The following ANK3 variants were observed in gnomAD, a reference collection of about 807,000 sequenced individuals.
The protein encoded by ANK3 is ankyrin 3.
In ANK3, 57 loss-of-function variants were observed where a neutral mutation model predicts 370.9. The ratio of observed to expected loss-of-function variants is 0.15; its 90% CI spans 0.12 to 0.19. The LOEUF (loss-of-function observed/expected upper bound fraction) is 0.19. ANK3 is among the 10% of genes least tolerant of loss of function. The pLI is 1.00. For missense variants in ANK3, 4,439 were observed against 5,302.1 expected, an observed-to-expected ratio of 0.84 and a Z score of 5.06; for synonymous variants, 1,929 against 1,946.3, an observed-to-expected ratio of 0.99 and a Z score of 0.23.
At chr10:60,337,635 T>A (rs938944873) in intron 1 of ANK3, among the ~76,000 whole-genome samples, 1 of 152,194 alleles carries the variant, frequency 6.6e-6, no homozygotes, top group South Asian at 2.1e-4. Flanking sequence ...TATCTCATAA[T>A]TGGCAAGCAT....
intron 2 of ANK3, among the ~76,000 whole-genome samples, chr10:60,439,840 CTG>C (rs1323969329): frequency 1.3e-5 from 2 of 152,178 alleles, no homozygotes; most frequent in African/African-American, 4.8e-5. Context: ...CAATTCATGA[CTG>C]TAATTTTTTC....
intron 18 of ANK3, 90 bp downstream of exon 18, chr10:60,181,239 T>C: frequency 3.6e-6 from 4 of 1,126,314 alleles, no homozygotes; most frequent in Non-Finnish European, 5.4e-6. Context: ...GATTAAAGGG[T>C]TTGTTCTCCT....
intron 28 of ANK3, among the ~76,000 whole-genome samples, chr10:60,105,072 T>G (rs962582942): frequency 1.3e-5 from 2 of 152,224 alleles, no homozygotes; most frequent in Non-Finnish European, 2.9e-5. Context: ...TCTTATGGAA[T>G]ATGAATTATA....
intron 1 of ANK3, among the ~76,000 whole-genome samples, chr10:60,347,694 T>C (rs4948402): frequency 0.7 from 106,066 of 151,978 alleles, 38,288 homozygotes; most frequent in South Asian, 0.91. Flanking sequence ...TTTTTTCTTA[T>C]ATCACTAGAC....
chr10:60,460,042 C>T (rs1436980607), intron 2 of ANK3, among the ~76,000 whole-genome samples: 1 of 151,822 alleles, frequency 6.6e-6, no homozygotes, highest in Non-Finnish European at 1.5e-5. Flanking sequence ...TCACCTTTGC[C>T]CTCTAACATC....
At chr10:60,115,097 C>G (rs1242781489) in intron 25 of ANK3, among the ~76,000 whole-genome samples, 1 of 152,070 alleles carries the variant, frequency 6.6e-6, no homozygotes. Context: ...AAAACCTAAC[C>G]AGAAATATCT....
chr10:60,069,064 C>T lies in ANK3; in HGVS notation c.11817G>A (p.Glu3939=). ...ACATQKQGQP[E]KGKAKQLPSK... ...ATGGAAGCTGTTTGGCCTTGCCTTT[C>T]TCTGGCTGCCCTTGCTTTTGTGTGG... The change falls in exon 37 of 44, where the codon GAG becomes GAA. Residue 3939 remains glutamate (E), a synonymous_variant. Transcript: ENST00000280772. 6.2e-7 allele frequency: 1 copy of T among 1,614,108 alleles called. No individual in the cohort carries two copies. Among genetic ancestry groups the T allele is most frequent in the Non-Finnish European group, 8.5e-7 (1 of 1,180,004 alleles).
chr10:60,277,867 G>A (rs897840163), intron 4 of ANK3, among the ~76,000 whole-genome samples: 2 of 152,200 alleles, frequency 1.3e-5, no homozygotes, highest in African/African-American at 2.4e-5. Context: ...TCGACTGGAA[G>A]GAATGTTTGA....
rs1166491894 is a variant in ANK3, at chr10:60,443,278, G to T, written c.97-163639C>A. Reference sequence around the variant, plus strand: ...AGGTGGGAAAACATAAAGGACATTTGTTAGAATAAAATGTGTGTGTGTGTG... The same window carrying T: ...AGGTGGGAAAACATAAAGGACATTTTTTAGAATAAAATGTGTGTGTGTGTG... On this transcript the variant is annotated intron_variant, in intron 2 of 43. Coordinates refer to the ANK3 transcript ENST00000373827. 2.6e-5 allele frequency among the ~76,000 whole-genome samples: 4 copies of T among 152,172 alleles called. No individual in the cohort carries two copies. In the East Asian group the frequency reaches 7.7e-4, roughly 29 times the overall value.
chr10:60,129,823 C>G (rs1001553415), intron 25 of ANK3, among the ~76,000 whole-genome samples: 3 of 152,076 alleles, frequency 2.0e-5, no homozygotes, highest in Admixed American at 2.0e-4. Context: ...TGGATTGAGC[C>G]ATTGCTTTAA....
chr10:60,468,796 T>C lies in ANK3; in HGVS notation c.96+146390A>G, dbSNP rs1242891039. On this transcript the variant is annotated intron_variant, in intron 2 of 43. Coordinates refer to the ANK3 transcript ENST00000373827. The stretch of plus-strand genomic sequence containing the variant: ...ATCACTCAATATACACTGGTTATTG[T>C]GATTTGTTATTGCACACCATGCATT... Among the ~76,000 whole-genome samples, 3 of 151,760 alleles carry C rather than the reference T, an allele frequency of 2.0e-5. No individual in the cohort carries two copies. In the South Asian group the frequency reaches 6.2e-4, roughly 32 times the overall value.
intron 2 of ANK3, among the ~76,000 whole-genome samples, chr10:60,524,947 A>G (rs1044080486): frequency 1.3e-5 from 2 of 152,156 alleles, no homozygotes; most frequent in Admixed American, 6.6e-5. Context: ...AGCTGAATCA[A>G]TAATTCAGCA....
chr10:60,038,584 T>C (rs1238578062), intron 43 of ANK3, among the ~76,000 whole-genome samples: 2 of 152,138 alleles, frequency 1.3e-5, no homozygotes. Flanking sequence ...ATTTGCAAAC[T>C]ATGTATCTGA....
intron 8 of ANK3, among the ~76,000 whole-genome samples, chr10:60,224,409 C>A (rs73269481): frequency 0.02 from 3,036 of 152,136 alleles, 92 homozygotes; most frequent in African/African-American, 0.067. Flanking sequence ...AGAATGCTCT[C>A]ATGTTAGCCT....
intron 8 of ANK3, among the ~76,000 whole-genome samples, chr10:60,234,171 C>T (rs75071173): frequency 0.042 from 6,465 of 152,238 alleles, 458 homozygotes; most frequent in African/African-American, 0.14. Flanking sequence ...TTACCTCTTG[C>T]CTATTGCTGC....
chr10:60,249,422 G>T (rs919826985), intron 7 of ANK3, among the ~76,000 whole-genome samples: 1 of 152,050 alleles, frequency 6.6e-6, no homozygotes, highest in South Asian at 2.1e-4. Context: ...CTATACTCCT[G>T]TATCACTTCT....
intron 18 of ANK3, among the ~76,000 whole-genome samples, chr10:60,176,809 A>C (rs924697307): frequency 2.6e-5 from 4 of 152,032 alleles, no homozygotes; most frequent in East Asian, 1.9e-4. Flanking sequence ...AACAAAAAAA[A>C]CCAAGTAATT....
upstream of ANK3, among the ~76,000 whole-genome samples, chr10:60,394,663 C>T (rs555611436): frequency 1.2e-4 from 19 of 152,260 alleles, no homozygotes; most frequent in African/African-American, 3.9e-4. Flanking sequence ...CAGAAGGCCC[C>T]CACAACCATA....
At chr10:60,324,721 C>T (rs936467805) in intron 1 of ANK3, among the ~76,000 whole-genome samples, 3 of 152,122 alleles carry the variant, frequency 2.0e-5, no homozygotes, top group Non-Finnish European at 2.9e-5. Flanking sequence ...TCTTTTCCTA[C>T]TCTCACAATT....
Sources: gnomAD v4.1 joint callset for allele counts (sites outside exome capture counted in the v4.1 genomes callset) on GRCh38, gnomAD v4.1.1 for gene constraint, MANE v1.5 for transcripts, NCBI Gene and HGNC (gene_info 2026-07-23, HGNC 2026-07-21) for gene names.